The following HDAC9 variants were observed in gnomAD, a reference collection of about 807,000 sequenced individuals.
HDAC9 encodes the protein MEF-2 interacting transcription repressor (MITR) protein.
HDAC9 carries 41 observed loss-of-function variants against 139.4 expected under a neutral mutation model. That is an observed-to-expected ratio of 0.29 (90% CI 0.23 to 0.38). HDAC9 has a LOEUF of 0.38. Among genes scored for constraint, HDAC9 ranks in the 10% least tolerant of loss-of-function variants. HDAC9 has a pLI of 1.00. For missense variants in HDAC9, 1,147 were observed against 1,297.0 expected, an observed-to-expected ratio of 0.88 and a Z score of 1.78; for synonymous variants, 517 against 476.2, an observed-to-expected ratio of 1.09 and a Z score of -1.12.
intron 22 of HDAC9, among the ~76,000 whole-genome samples, chr7:18,878,366 A>C (rs879823055): frequency 0.01 from 1,552 of 152,298 alleles, 1 homozygote; most frequent in South Asian, 0.018. Context: ...GAATTATGCA[A>C]AATCATTGTG....
At chr7:18,644,916 C>T (rs1786890478) in intron 9 of HDAC9, 123 bp downstream of exon 9, 2 of 906,284 alleles carry the variant, frequency 2.2e-6, no homozygotes, top group Admixed American at 6.8e-5. Flanking sequence ...ATCTCCTTCA[C>T]TGTTTGCTAT....
chr7:18,830,549 G>A (rs1301055790), intron 19 of HDAC9, among the ~76,000 whole-genome samples: 3 of 152,078 alleles, frequency 2.0e-5, no homozygotes, highest in Non-Finnish European at 4.4e-5. Context: ...TCCAGCCTTC[G>A]AATCCAGTTA....
At chr7:18,195,645 G>T (rs1189085274) in intron 2 of HDAC9, among the ~76,000 whole-genome samples, 2 of 152,092 alleles carry the variant, frequency 1.3e-5, no homozygotes, top group East Asian at 3.9e-4. Context: ...CTTCAGCCGG[G>T]CCTGCTTCTC....
chr7:18,114,190 A>G (rs550366754), intron 1 of HDAC9, among the ~76,000 whole-genome samples: 2 of 152,360 alleles, frequency 1.3e-5, no homozygotes, highest in East Asian at 3.9e-4. Context: ...TGTTCAAGGT[A>G]GAAAAAGAGG....
intron 2 of HDAC9, among the ~76,000 whole-genome samples, chr7:18,252,581 A>G (rs1462899308): frequency 6.6e-6 from 1 of 152,122 alleles, no homozygotes; most frequent in Non-Finnish European, 1.5e-5. Flanking sequence ...TTGGAGTTGT[A>G]TATAATTCAT....
intron 1 of HDAC9, among the ~76,000 whole-genome samples, chr7:18,342,316 C>T (rs1782079027): frequency 1.3e-5 from 2 of 151,812 alleles, no homozygotes; most frequent in South Asian, 4.1e-4. Context: ...TGCCCCATCA[C>T]TGGAAAATCT....
intron 13 of HDAC9, among the ~76,000 whole-genome samples, chr7:18,746,796 A>G (rs1584963858): frequency 6.6e-6 from 1 of 152,192 alleles, no homozygotes; most frequent in Non-Finnish European, 1.5e-5. Context: ...TATCATCTGC[A>G]CTCTCAAAGA....
At chr7:18,512,875 A>G (rs1319379781) in intron 2 of HDAC9, among the ~76,000 whole-genome samples, 1 of 152,218 alleles carries the variant, frequency 6.6e-6, no homozygotes, top group African/African-American at 2.4e-5. Flanking sequence ...TGGAGAGAAG[A>G]AGCCTAGATG....
chr7:18,973,848 G>T (rs1459297583), intron 24 of HDAC9, among the ~76,000 whole-genome samples: 3 of 152,124 alleles, frequency 2.0e-5, no homozygotes, highest in Non-Finnish European at 4.4e-5. Flanking sequence ...TGTGAAATTG[G>T]TCTTCCTGCC....
chr7:18,838,435 G>A (rs117571425), intron 21 of HDAC9, among the ~76,000 whole-genome samples: 1 of 151,998 alleles, frequency 6.6e-6, no homozygotes, highest in Non-Finnish European at 1.5e-5. Context: ...TACTGACTGG[G>A]CAGAGAGAGT....
chr7:18,107,005 T>G (rs1470429846), intron 1 of HDAC9, among the ~76,000 whole-genome samples: 1 of 152,136 alleles, frequency 6.6e-6, no homozygotes, highest in African/African-American at 2.4e-5. Context: ...GAAAGAAGCT[T>G]TTTTGAGTGT....
chr7:18,661,079 T>C (rs910589466), intron 11 of HDAC9, among the ~76,000 whole-genome samples: 12 of 152,020 alleles, frequency 7.9e-5, no homozygotes, highest in African/African-American at 2.9e-4. Context: ...TTTGGGTAGT[T>C]TAGGGTGAAA....
At chr7:18,898,540 T>C (rs574294089) in intron 22 of HDAC9, among the ~76,000 whole-genome samples, 28 of 152,044 alleles carry the variant, frequency 1.8e-4, no homozygotes, top group African/African-American at 6.5e-4. Flanking sequence ...CAAAATACTG[T>C]GAGTTTTATA....
chr7:18,735,176 T>C (rs999511136), intron 13 of HDAC9, among the ~76,000 whole-genome samples: 2 of 152,180 alleles, frequency 1.3e-5, no homozygotes, highest in Non-Finnish European at 2.9e-5. Context: ...TTTTTCTCCA[T>C]TCTGTAGGTT....
chr7:18,701,482 A>G (rs1216377268), intron 12 of HDAC9, among the ~76,000 whole-genome samples: 1 of 151,746 alleles, frequency 6.6e-6, no homozygotes, highest in East Asian at 1.9e-4. Context: ...TCAACTGGTT[A>G]GTCTTAACAT....
intron 1 of HDAC9, among the ~76,000 whole-genome samples, chr7:18,490,438 A>T (rs1796278681): frequency 6.6e-6 from 1 of 151,988 alleles, no homozygotes; most frequent in Admixed American, 6.6e-5. Context: ...GTTGTCGTTG[A>T]TTTGTTTTGC....
chr7:18,886,286 C>T (rs1421147826), intron 22 of HDAC9, among the ~76,000 whole-genome samples: 3 of 152,124 alleles, frequency 2.0e-5, no homozygotes, highest in Non-Finnish European at 4.4e-5. Flanking sequence ...ATGAAACAAT[C>T]CTTAGGCTAG....
intron 2 of HDAC9, among the ~76,000 whole-genome samples, chr7:18,539,286 A>G (rs1811943403): frequency 6.6e-6 from 1 of 152,146 alleles, no homozygotes; most frequent in Non-Finnish European, 1.5e-5. Flanking sequence ...CCTCAGTCCA[A>G]TCACAAAAAA....
intron 1 of HDAC9, among the ~76,000 whole-genome samples, chr7:18,473,311 T>C (rs1244218468): frequency 6.6e-6 from 1 of 152,220 alleles, no homozygotes; most frequent in Non-Finnish European, 1.5e-5. Context: ...TGATGAAACC[T>C]TAGCACCAGG....
Sources: gnomAD v4.1 joint callset for allele counts (sites outside exome capture counted in the v4.1 genomes callset) on GRCh38, gnomAD v4.1.1 for gene constraint, MANE v1.5 for transcripts, NCBI Gene and HGNC (gene_info 2026-07-23, HGNC 2026-07-21) for gene names.